The following ADAMTS18 variants were observed in gnomAD, a reference collection of about 807,000 sequenced individuals.
ADAMTS18 encodes the protein A disintegrin and metalloproteinase with thrombospondin motifs 18.
A neutral mutation model predicts 165.9 loss-of-function variants in ADAMTS18; 157 were observed. The observed-to-expected ratio is 0.95, with a 90% CI of 0.83 to 1.08. ADAMTS18 has a LOEUF of 1.08. ADAMTS18 is among the 50% of genes least tolerant of loss of function. The pLI is 0.00. For synonymous variants in ADAMTS18, 782 were observed against 578.2 expected, an observed-to-expected ratio of 1.35 and a Z score of -5.06; for missense variants, 2,040 against 1,534.0, an observed-to-expected ratio of 1.33 and a Z score of -5.51.
chr16:77,375,284 A>G (rs1567523358), intron 3 of ADAMTS18, among the ~76,000 whole-genome samples: 1 of 152,180 alleles, frequency 6.6e-6, no homozygotes, highest in Non-Finnish European at 1.5e-5. Context: ...AGCCTCCCAA[A>G]GTGCTGGAAT....
intron 16 of ADAMTS18, among the ~76,000 whole-genome samples, chr16:77,313,837 G>A (rs2055830558): frequency 6.6e-6 from 1 of 152,154 alleles, no homozygotes; most frequent in Non-Finnish European, 1.5e-5. Flanking sequence ...AAAAGAAAAA[G>A]AAGTCTGCTG....
intron 11 of ADAMTS18, 69 bp from the exon 12 acceptor site, chr16:77,335,973 C>A: frequency 6.3e-7 from 1 of 1,585,774 alleles, no homozygotes; most frequent in Admixed American, 1.7e-5. Flanking sequence ...GTTGCCAACA[C>A]CTGCACAGTA....
chr16:77,326,109 G>C, intron 12 of ADAMTS18, 71 bp from the exon 13 acceptor site: 1 of 1,467,658 alleles, frequency 6.8e-7, no homozygotes, highest in Non-Finnish European at 9.4e-7. Flanking sequence ...GCAATAATAT[G>C]AAGAGAGGCA....
intron 7 of ADAMTS18, among the ~76,000 whole-genome samples, chr16:77,360,161 T>A (rs187054854): frequency 2.6e-4 from 39 of 152,314 alleles, no homozygotes; most frequent in Admixed American, 3.9e-4. Context: ...CCCACTTCAT[T>A]GTCAAGACGG....
At chr16:77,369,137 C>A (rs2056840982) in intron 3 of ADAMTS18, among the ~76,000 whole-genome samples, 2 of 152,190 alleles carry the variant, frequency 1.3e-5, no homozygotes, top group East Asian at 1.9e-4. Flanking sequence ...GGATCAAAGT[C>A]TATGCTTTAT....
chr16:77,342,756 T>C (rs2056417900), intron 10 of ADAMTS18, among the ~76,000 whole-genome samples: 2 of 152,228 alleles, frequency 1.3e-5, no homozygotes, highest in Admixed American at 1.3e-4. Flanking sequence ...TGAAGTTGTG[T>C]AGCAAAGGAG....
chr16:77,371,254 C>CAAAAAT (rs59610712), intron 3 of ADAMTS18, among the ~76,000 whole-genome samples: 57 of 149,810 alleles, frequency 3.8e-4, no homozygotes, highest in Non-Finnish European at 7.3e-4. Context: ...AAAACAAAAA[C>CAAAAAT]GGAGAAAAAG....
At chr16:77,419,948 G>T (rs1378222654) in intron 3 of ADAMTS18, among the ~76,000 whole-genome samples, 1 of 137,312 alleles carries the variant, frequency 7.3e-6, no homozygotes, top group East Asian at 2.1e-4. Flanking sequence ...GCAGTAAACC[G>T]CATCACGCCA....
intron 11 of ADAMTS18, among the ~76,000 whole-genome samples, chr16:77,337,171 A>C (rs114775607): frequency 0.011 from 1,635 of 152,274 alleles, 29 homozygotes; most frequent in African/African-American, 0.037. Flanking sequence ...AGTTTGCATG[A>C]AACCATATAA....
At chr16:77,379,081 C>T (rs2056994712) in intron 3 of ADAMTS18, 1 of 152,168 alleles carries the variant, frequency 6.6e-6, no homozygotes. Context: ...GATGATCAAT[C>T]CAAGGACTCT....
In ADAMTS18 at chr16:77,416,928, T is replaced by A. The variant is rs559766194; in HGVS notation, c.495+14367A>T. On this transcript the variant is annotated intron_variant, in intron 3 of 22. Transcript: ENST00000282849. ...GGTCAGAATTGCGCATGTTTTTAAC[T>A]GACCTGGGAGCAATGAAGTTTACAT... Among the ~76,000 whole-genome samples, 4 of 152,308 alleles carry A rather than the reference T, an allele frequency of 2.6e-5. No homozygotes were observed. The East Asian group carries it at 7.7e-4, about 29-fold the overall frequency.
chr16:77,383,374 C>T (rs1412694907), intron 3 of ADAMTS18, among the ~76,000 whole-genome samples: 1 of 152,106 alleles, frequency 6.6e-6, no homozygotes, highest in Non-Finnish European at 1.5e-5. Context: ...TCTTCTACCT[C>T]TTATTTTTTC....
intron 15 of ADAMTS18, 66 bp downstream of exon 15, chr16:77,321,013 G>T: frequency 6.2e-7 from 1 of 1,602,198 alleles, no homozygotes; most frequent in South Asian, 1.1e-5. Context: ...CATTTGGCGT[G>T]ACTCAAACTT....
At chr16:77,333,492 C>CA (rs61412792) in intron 12 of ADAMTS18, among the ~76,000 whole-genome samples, 8,116 of 141,306 alleles carry the variant, frequency 0.057, 513 homozygotes, top group African/African-American at 0.17. Context: ...AAAGAAATAC[C>CA]AAAAAAAAAA....
chr16:77,360,694 CA>C (rs1170771815), intron 7 of ADAMTS18, among the ~76,000 whole-genome samples: 1 of 152,172 alleles, frequency 6.6e-6, no homozygotes, highest in Non-Finnish European at 1.5e-5. Context: ...TTCCCAAAAT[CA>C]TTGTGTTTTT....
At chr16:77,411,610 G>A (rs2057463924) in intron 3 of ADAMTS18, among the ~76,000 whole-genome samples, 1 of 150,412 alleles carries the variant, frequency 6.6e-6, no homozygotes, top group South Asian at 2.1e-4. Flanking sequence ...CTTTACCATT[G>A]AATGGTGAAA....
At chr16:77,324,680 G>C (rs1259748263) in intron 13 of ADAMTS18, among the ~76,000 whole-genome samples, 2 of 152,196 alleles carry the variant, frequency 1.3e-5, no homozygotes, top group African/African-American at 4.8e-5. Flanking sequence ...TTGACAGGCT[G>C]TTAAGGAAGG....
At chr16:77,291,819 A>T (rs1409765677) in intron 20 of ADAMTS18, among the ~76,000 whole-genome samples, 1 of 152,206 alleles carries the variant, frequency 6.6e-6, no homozygotes, top group African/African-American at 2.4e-5. Context: ...TTAGGGTTAC[A>T]CACTTACAGG....
intron 3 of ADAMTS18, among the ~76,000 whole-genome samples, chr16:77,385,269 C>T (rs930317151): frequency 6.6e-6 from 1 of 152,132 alleles, no homozygotes; most frequent in African/African-American, 2.4e-5. Context: ...AACTCCTTTG[C>T]TATTTAAATT....
Sources: allele counts gnomAD v4.1 joint callset (sites outside exome capture counted in the v4.1 genomes callset), GRCh38; gene constraint gnomAD v4.1.1; transcripts MANE v1.5; gene names NCBI Gene and HGNC (gene_info 2026-07-23, HGNC 2026-07-21).